The following CCSER1 variants were observed in gnomAD, a reference collection of about 807,000 sequenced individuals.
The protein encoded by CCSER1 is serine-rich coiled-coil domain-containing protein 1.
Under a neutral mutation model 82.0 loss-of-function variants are expected in CCSER1, and 41 were observed. That is an observed-to-expected ratio of 0.50 (90% confidence interval 0.39 to 0.65). The LOEUF is 0.65. Among genes scored for constraint, CCSER1 ranks in the 30% least tolerant of loss-of-function variants. CCSER1 has a pLI of 0.00. For missense variants in CCSER1, 1,119 were observed against 1,064.2 expected, an observed-to-expected ratio of 1.05 and a Z score of -0.72; for synonymous variants, 414 against 383.9, an observed-to-expected ratio of 1.08 and a Z score of -0.92.
At chr4:90,424,717 T>A (rs1757291674) in intron 4 of CCSER1, among the ~76,000 whole-genome samples, 1 of 152,194 alleles carries the variant, frequency 6.6e-6, no homozygotes. Context: ...AAAGTCTACT[T>A]CCAGTTCAGT....
intron 10 of CCSER1, among the ~76,000 whole-genome samples, chr4:91,088,784 C>T (rs1242713156): frequency 6.6e-6 from 1 of 152,138 alleles, no homozygotes; most frequent in East Asian, 1.9e-4. Context: ...AATTTTCTTG[C>T]ATCCAGTGGG....
intron 9 of CCSER1, among the ~76,000 whole-genome samples, chr4:91,001,972 C>A (rs1327665742): frequency 6.6e-6 from 1 of 152,110 alleles, no homozygotes; most frequent in Non-Finnish European, 1.5e-5. Context: ...ATTCTCAGAG[C>A]ATTTGTCTGA....
At chr4:90,751,223 GT>G (rs1397266568) in intron 7 of CCSER1, among the ~76,000 whole-genome samples, 1 of 152,060 alleles carries the variant, frequency 6.6e-6, no homozygotes, top group Non-Finnish European at 1.5e-5. Flanking sequence ...TTATGAGTTT[GT>G]TTTAAAGCTT....
intron 9 of CCSER1, among the ~76,000 whole-genome samples, chr4:90,945,495 T>G (rs1037992180): frequency 6.6e-6 from 1 of 152,212 alleles, no homozygotes. Context: ...TGTTGTTTTA[T>G]AGTCCATTTT....
intron 1 of CCSER1, among the ~76,000 whole-genome samples, chr4:90,140,972 A>G (rs1437877144): frequency 6.6e-6 from 1 of 151,740 alleles, no homozygotes; most frequent in African/African-American, 2.4e-5. Flanking sequence ...GCCTTGGTCT[A>G]CTTTTTTAGA....
chr4:90,210,624 T>C (rs1458284364), intron 1 of CCSER1, among the ~76,000 whole-genome samples: 2 of 152,058 alleles, frequency 1.3e-5, no homozygotes, highest in Non-Finnish European at 2.9e-5. Context: ...TTTAAATTAT[T>C]TGTAGAGACA....
At chr4:91,089,433 T>C (rs1267396822) in intron 10 of CCSER1, among the ~76,000 whole-genome samples, 1 of 152,214 alleles carries the variant, frequency 6.6e-6, no homozygotes, top group Admixed American at 6.5e-5. Context: ...TTAAAGCAGG[T>C]ACTGAATATA....
chr4:91,518,120 G>A (rs1578676613), intron 10 of CCSER1, among the ~76,000 whole-genome samples: 1 of 152,156 alleles, frequency 6.6e-6, no homozygotes, highest in African/African-American at 2.4e-5. Context: ...GCACTCCCGG[G>A]CTGCATGCAG....
intron 9 of CCSER1, among the ~76,000 whole-genome samples, chr4:90,979,876 G>A (rs986808500): frequency 6.6e-6 from 1 of 151,710 alleles, no homozygotes; most frequent in Non-Finnish European, 1.5e-5. Context: ...GCATAACCTA[G>A]CATATGCTTA....
chr4:91,076,587 A>G (rs1722019594), intron 9 of CCSER1, among the ~76,000 whole-genome samples: 1 of 152,188 alleles, frequency 6.6e-6, no homozygotes, highest in African/African-American at 2.4e-5. Flanking sequence ...ACTTAGTCAC[A>G]TAATTTAAAT....
chr4:90,871,854 C>CAT (rs1215710013), intron 8 of CCSER1, among the ~76,000 whole-genome samples: 1 of 151,492 alleles, frequency 6.6e-6, no homozygotes, highest in Admixed American at 6.6e-5. Context: ...GTGTTGGGTG[C>CAT]ATATATATAT....
At chr4:91,422,881 A>G (rs1428286331) in intron 10 of CCSER1, among the ~76,000 whole-genome samples, 1 of 152,152 alleles carries the variant, frequency 6.6e-6, no homozygotes, top group African/African-American at 2.4e-5. Flanking sequence ...AATAATTTAT[A>G]TAGGACTGAG....
At chr4:90,780,335 T>G (rs980417159) in intron 7 of CCSER1, 27 of 1,176,320 alleles carry the variant, frequency 2.3e-5, no homozygotes, top group Non-Finnish European at 3.3e-5. Context: ...CCATCTAAAT[T>G]ATCTTTAAGA....
At chr4:90,483,305 A>T (rs1270646073) in intron 5 of CCSER1, among the ~76,000 whole-genome samples, 2 of 152,120 alleles carry the variant, frequency 1.3e-5, no homozygotes, top group East Asian at 3.9e-4. Flanking sequence ...CAGCACACTA[A>T]TGGGTCTTGA....
chr4:91,410,919 A>C (rs1269417426), intron 10 of CCSER1, among the ~76,000 whole-genome samples: 1 of 152,092 alleles, frequency 6.6e-6, no homozygotes, highest in Non-Finnish European at 1.5e-5. Context: ...CAGAAGCTAG[A>C]TTTTTAGTGA....
chr4:91,463,646 G>C (rs546404690), intron 10 of CCSER1, among the ~76,000 whole-genome samples: 3 of 152,302 alleles, frequency 2.0e-5, no homozygotes, highest in Admixed American at 1.3e-4. Context: ...AACCAGTGTA[G>C]AGAAGTCCTT....
chr4:90,229,234 C>T (rs1434028688), intron 1 of CCSER1, among the ~76,000 whole-genome samples: 1 of 152,108 alleles, frequency 6.6e-6, no homozygotes, highest in Non-Finnish European at 1.5e-5. Context: ...GGTCGGGTTA[C>T]CCACAAAGGG....
At chr4:90,139,952 T>C (rs753040581) in intron 1 of CCSER1, among the ~76,000 whole-genome samples, 1 of 151,932 alleles carries the variant, frequency 6.6e-6, no homozygotes, top group Non-Finnish European at 1.5e-5. Context: ...AGAGTGAGAC[T>C]CCATCTCAAA....
intron 9 of CCSER1, among the ~76,000 whole-genome samples, chr4:90,988,356 A>G (rs896259978): frequency 8.1e-5 from 12 of 148,916 alleles, no homozygotes; most frequent in Non-Finnish European, 1.6e-4. Flanking sequence ...AAAAAAAAAA[A>G]AAAAAAAGAA....
Sources: allele counts gnomAD v4.1 joint callset (sites outside exome capture counted in the v4.1 genomes callset), GRCh38; gene constraint gnomAD v4.1.1; transcripts MANE v1.5; gene names NCBI Gene and HGNC (gene_info 2026-07-23, HGNC 2026-07-21).